MYL6B: variants seen among roughly 807,000 people sequenced by gnomAD.
MYL6B encodes the protein myosin light chain 6B.
A neutral mutation model predicts 24.5 loss-of-function variants in MYL6B; 19 were observed. The observed-to-expected ratio is 0.78, with a 90% CI of 0.54 to 1.14. The LOEUF (loss-of-function observed/expected upper bound fraction) is 1.14, where lower values mean the gene tolerates loss of function less well. Ranked by LOEUF, MYL6B falls within the 50% of genes most tolerant of loss-of-function variation. MYL6B has a pLI of 0.00. For missense variants in MYL6B, 230 were observed against 263.8 expected (o/e 0.87, Z 0.89); for synonymous variants, 90 against 100.7 (o/e 0.89, Z 0.64).
intron 5 of MYL6B, among the ~76,000 whole-genome samples, chr12:56,156,750 A>C (rs1010487141): frequency 7.1e-6 from 1 of 140,544 alleles, no homozygotes. Context: ...ATCTCTATTT[A>C]AAAAAAAAAA....
intron 2 of MYL6B, 65 bp downstream of exon 2, chr12:56,154,157 G>A: frequency 1.4e-6 from 2 of 1,467,528 alleles, no homozygotes; most frequent in Non-Finnish European, 1.8e-6. Flanking sequence ...ACAGCCTAGG[G>A]GATTAGGGGG....
At chr12:56,154,927 C>T (rs1871248782) in intron 3 of MYL6B, 87 bp downstream of exon 3, 1 of 1,572,096 alleles carries the variant, frequency 6.4e-7, no homozygotes, top group Non-Finnish European at 8.6e-7. Context: ...CAGTCCTGAC[C>T]TTGAAACCTC....
At chr12:56,154,743 G>A in intron 2 of MYL6B, 70 bp from the exon 3 acceptor site, 1 of 1,547,924 alleles carries the variant, frequency 6.5e-7, no homozygotes, top group Non-Finnish European at 8.7e-7. Context: ...GCTGCCAGTT[G>A]GTTGGGAGGA....
At chr12:56,154,038 C>A (rs758811530) in exon 2 of MYL6B, 1 of 1,614,028 alleles carries the variant, frequency 6.2e-7, no homozygotes, top group Non-Finnish European at 8.5e-7. Flanking sequence ...AGCCAGCTGT[C>A]CCCCAGGCCC....
chr12:56,153,754 C>A, intron 1 of MYL6B, 119 bp from the exon 2 acceptor site: 2 of 692,206 alleles, frequency 2.9e-6, no homozygotes, highest in Non-Finnish European at 4.7e-6. Flanking sequence ...CCATAGGAGG[C>A]CAGGGGAGTG....
intron 1 of MYL6B, 54 bp from the exon 2 acceptor site, chr12:56,153,819 C>A: frequency 7.8e-7 from 1 of 1,284,522 alleles, no homozygotes; most frequent in Non-Finnish European, 1.1e-6. Flanking sequence ...CCAACTGGCT[C>A]CCTGCCCCTG....
At chr12:56,155,736 T>TG (rs762714704) in intron 5 of MYL6B, 144 bp downstream of exon 5, 2 of 1,540,672 alleles carry the variant, frequency 1.3e-6, no homozygotes, top group South Asian at 1.2e-5. Context: ...GTCAGAGCTA[T>TG]GGGGGTAGAA....
chr12:56,157,555 C>CCAA lies in MYL6B; in HGVS notation c.598+10_598+11insCAA. The CCAA allele has an allele frequency of 6.2e-7, 1 of 1,610,156 alleles. No homozygotes were observed. Among genetic ancestry groups the CCAA allele is most frequent in the South Asian group, 1.1e-5 (1 of 90,956 alleles). On this transcript the variant is annotated intron_variant, in intron 6 of 6. Transcript: ENST00000553066. ...TGCATCAACTACGAGGGTGAGGGGA[C>CCAA]AAAAAAGCGGGAGCGGGGCCGAGGG...
chr12:56,155,137 C>G (rs112084821), exon 4 of MYL6B: 3 of 1,613,950 alleles, frequency 1.9e-6, no homozygotes, highest in Non-Finnish European at 2.5e-6. Flanking sequence ...TGATGAGGGC[C>G]CTGGGCCAGA....
intron 5 of MYL6B, chr12:56,156,109 C>T (rs979295695): frequency 3.8e-6 from 3 of 796,960 alleles, no homozygotes; most frequent in South Asian, 3.7e-5. Flanking sequence ...AGTTCGAGAC[C>T]GGCCTGGCCA....
At position 56,157,253 on chromosome 12, in the gene MYL6B, G is replaced by T. The variant is rs570282384; in HGVS notation, c.521-215G>T. ...CTACCAAAAATACAAAAAATTAGCC[G>T]GGCGCCTGTAATCCCAGCTACTCGG... is the stretch of plus-strand genomic sequence containing the variant. On this transcript the variant is annotated intron_variant, in intron 5 of 6. Coordinates refer to ENST00000553066, the Ensembl canonical transcript of MYL6B. The T allele has an allele frequency of 3.7e-5, 19 of 509,580 alleles. No homozygotes were observed. In the South Asian group the frequency reaches 4.3e-4, roughly 12 times the overall value. 31.6% of individuals were successfully genotyped at this position (509,580 alleles called of 1,614,324 possible).
At chr12:56,157,373 G>A (rs902384478) in intron 5 of MYL6B, 95 bp from the exon 6 acceptor site, 1 of 1,208,962 alleles carries the variant, frequency 8.3e-7, no homozygotes, top group Non-Finnish European at 1.2e-6. Flanking sequence ...TGAGCGACAG[G>A]AGCGAAACTC....
At chr12:56,155,532 G>T in exon 5 of MYL6B, 1 of 1,614,040 alleles carries the variant, frequency 6.2e-7, no homozygotes, top group South Asian at 1.1e-5. Flanking sequence ...TCGTGTGTTT[G>T]ACAAGGAGGG....
chr12:56,154,152 C>T, intron 2 of MYL6B, 60 bp downstream of exon 2: 2 of 1,525,590 alleles, frequency 1.3e-6, no homozygotes, highest in South Asian at 1.2e-5. Flanking sequence ...GGGATACAGC[C>T]TAGGGGATTA....
chr12:56,157,162 AG>A (rs1871352889), intron 5 of MYL6B: 2 of 298,596 alleles, frequency 6.7e-6, no homozygotes, highest in Non-Finnish European at 6.4e-6. Context: ...TGGGAGGCCG[AG>A]GCAGGTGTAT....
chr12:56,157,863 CT>C lies in MYL6B; in HGVS notation c.*140del. 8.8e-7 allele frequency: 1 copy of C among 1,141,180 alleles called. No individual in the cohort carries two copies. Among genetic ancestry groups the C allele is most frequent in the Non-Finnish European group, 1.2e-6 (1 of 810,758 alleles). The allele number at this position is 1,141,180 out of a possible 1,614,324, so 70.7% of individuals were successfully genotyped here. Reference sequence around the variant, plus strand: ...CTGCACGGGCTCCAGCGCTTCGCAACTTTGGTTTTTTTCCACAGATCCAGTG... The same window carrying C: ...CTGCACGGGCTCCAGCGCTTCGCAACTTGGTTTTTTTCCACAGATCCAGTG... On this transcript the variant is annotated 3_prime_UTR_variant, in exon 7 of 7. Coordinates refer to ENST00000553066, the Ensembl canonical transcript of MYL6B.
chr12:56,156,030 G>A, intron 5 of MYL6B: 1 of 1,113,894 alleles, frequency 9.0e-7, no homozygotes, highest in South Asian at 2.1e-5. Context: ...GCCTGGCCAG[G>A]TATGGTGGCT....
chr12:56,155,008 A>T (rs948938141), intron 3 of MYL6B, 47 bp from the exon 4 acceptor site: 5 of 1,573,608 alleles, frequency 3.2e-6, no homozygotes, highest in Non-Finnish European at 4.3e-6. Flanking sequence ...TCTGGGGGTG[A>T]TGGGAACCCT....
At chr12:56,152,630 G>A (rs1298842850) in exon 1 of MYL6B, 1 of 152,260 alleles carries the variant, frequency 6.6e-6, no homozygotes, top group Non-Finnish European at 1.5e-5. Context: ...GGACCCCGCA[G>A]GGTGAGTTTT....
Sources: allele counts gnomAD v4.1 joint callset (sites outside exome capture counted in the v4.1 genomes callset), GRCh38; gene constraint gnomAD v4.1.1; transcripts MANE v1.5; gene names NCBI Gene and HGNC (gene_info 2026-07-23, HGNC 2026-07-21).